Variants in MORF4L1 observed in about 807,000 individuals in gnomAD.
MORF4L1 encodes mortality factor 4-like protein 1.
MORF4L1 carries 4 observed loss-of-function variants against 52.9 expected under a neutral mutation model. That is an observed-to-expected ratio of 0.08 (90% CI 0.04 to 0.17). MORF4L1 has a LOEUF of 0.17. MORF4L1 is among the 10% of genes least tolerant of loss of function. The pLI, the probability that MORF4L1 is intolerant of heterozygous loss-of-function variation, is 1.00. For synonymous variants in MORF4L1, 123 were observed against 134.8 expected, an observed-to-expected ratio of 0.91 and a Z score of 0.61; for missense variants, 214 against 390.4, an observed-to-expected ratio of 0.55 and a Z score of 3.81.
intron 1 of MORF4L1, among the ~76,000 whole-genome samples, chr15:78,874,225 A>G (rs1012720935): frequency 2.6e-5 from 4 of 152,248 alleles, no homozygotes; most frequent in Non-Finnish European, 1.5e-5. Flanking sequence ...TACCGTAAAT[A>G]CGATGTCTAC....
intron 1 of MORF4L1, among the ~76,000 whole-genome samples, chr15:78,876,853 A>G (rs961403560): frequency 2.0e-5 from 3 of 152,164 alleles, no homozygotes; most frequent in Non-Finnish European, 2.9e-5. Context: ...TTTAAAAATA[A>G]AGTTAATAGG....
At position 78,878,271 on chromosome 15, in the gene MORF4L1, GTTTTC is replaced by G; in HGVS notation, c.87+17_87+21del. 2.5e-6 allele frequency: 4 copies of G among 1,609,480 alleles called. No homozygotes were observed. Among genetic ancestry groups the G allele is most frequent in the Non-Finnish European group, 3.4e-6 (4 of 1,178,804 alleles). ...TTTATGAAGCAAAGGTATGAAACTTGTTTTCTTTTGAGAAGTTGGCCAAAACTACT... is the reference window on the plus strand; with the variant it reads ...TTTATGAAGCAAAGGTATGAAACTTGTTTTGAGAAGTTGGCCAAAACTACT... On this transcript the variant is annotated intron_variant, in intron 2 of 11. Transcript: ENST00000426013.
In MORF4L1 at chr15:78,894,179, G is replaced by A. The variant is rs760359945; in HGVS notation, c.751G>A (p.Asp251Asn). ...TGCTGAAATTCTTGCAGATCATCCC[G>A]ATGCACCCATGTCCCAGGTGTATGG... Reference protein sequence around the residue: ...QYAEILADHPDAPMSQVYGAP... With the variant: ...QYAEILADHPNAPMSQVYGAP... Residue 251 changes from aspartate to asparagine, a missense_variant, in exon 10 of 12, where the codon GAT (aspartate) becomes AAT (asparagine). By Grantham distance (23) the Asp-to-Asn change is conservative. Coordinates refer to ENST00000426013, the MANE Select transcript of MORF4L1 (RefSeq NM_006791.4). 15 of 1,613,860 alleles carry A rather than the reference G, an allele frequency of 9.3e-6. No homozygotes were observed. The highest frequency in any genetic ancestry group is 1.3e-5 in the Non-Finnish European group (15 of 1,179,950).
Position 78,892,271 on chromosome 15 carries a change from G to A in MORF4L1, c.498G>A (p.Pro166=), listed in dbSNP as rs756898448. ...TAAAGATTCCTGAAGAGCTAAAACC[G>A]TGGCTTGTTGATGACTGGGACTTAA... The part of the protein sequence containing the change: ...VKVKIPEELK[P]WLVDDWDLIT... Residue 166 remains proline, a synonymous_variant, in exon 8 of 12, where the codon CCG becomes CCA. Coordinates refer to ENST00000426013, the MANE Select transcript of MORF4L1 (RefSeq NM_006791.4). The A allele has an allele frequency of 5.0e-6, 8 of 1,613,628 alleles. No individual in the cohort carries two copies. The highest frequency in any genetic ancestry group is 3.3e-5 in the South Asian group (3 of 91,054).
At chr15:78,885,279 G>A (rs536511186) in intron 3 of MORF4L1, among the ~76,000 whole-genome samples, 1 of 152,288 alleles carries the variant, frequency 6.6e-6, no homozygotes, top group South Asian at 2.1e-4. Context: ...ATCAGCAGGA[G>A]AAAAGATTTA....
chr15:78,878,335 T>C, intron 2 of MORF4L1, 76 bp downstream of exon 2: 1 of 1,352,980 alleles, frequency 7.4e-7, no homozygotes, highest in Non-Finnish European at 1.0e-6. Flanking sequence ...ACAAGTACAG[T>C]ATTTTGTTGT....
In MORF4L1 at chr15:78,873,002, G is replaced by A. The variant is rs1277643832; in HGVS notation, c.-16G>A. On this transcript the variant is annotated 5_prime_UTR_variant, in exon 1 of 12. Transcript: ENST00000426013. The stretch of plus-strand genomic sequence containing the variant: ...GGGGGTGGTGGGAGAAGGAGGAGGC[G>A]GCGAATCACTTATAAATGGCGCCGA... 6.4e-7 allele frequency: 1 copy of A among 1,550,512 alleles called. No individual in the cohort carries two copies. Among genetic ancestry groups the A allele is most frequent in the South Asian group, 1.2e-5 (1 of 84,018 alleles).
chr15:78,880,062 AAT>A (rs2141461764), intron 2 of MORF4L1, among the ~76,000 whole-genome samples: 1 of 152,350 alleles, frequency 6.6e-6, no homozygotes, highest in East Asian at 1.9e-4. Context: ...AGAAAAGTGA[AAT>A]ATTTTTAATT....
At chr15:78,878,174 A>G (rs775499772) in intron 1 of MORF4L1, 39 bp from the exon 2 acceptor site, 4 of 1,581,744 alleles carry the variant, frequency 2.5e-6, no homozygotes, top group Non-Finnish European at 3.4e-6. Context: ...TTTATATATG[A>G]GAAGAAATTA....
intron 1 of MORF4L1, 88 bp downstream of exon 1, chr15:78,873,145 G>GGCGCGGGCT: frequency 6.5e-7 from 1 of 1,543,162 alleles, no homozygotes; most frequent in Non-Finnish European, 8.7e-7. Flanking sequence ...GGCCGGGGGC[G>GGCGCGGGCT]GCGCGGGCTG....
intron 1 of MORF4L1, among the ~76,000 whole-genome samples, chr15:78,877,536 A>G (rs918917698): frequency 5.9e-5 from 9 of 152,214 alleles, no homozygotes; most frequent in East Asian, 1.9e-4. Flanking sequence ...TTCAAGCTAC[A>G]CTCAAATGTA....
chr15:78,874,877 T>G lies in MORF4L1; in HGVS notation c.40+1820T>G, dbSNP rs2056454791. Among the ~76,000 whole-genome samples the G allele has an allele frequency of 2.0e-5, 3 of 148,412 alleles. No individual in the cohort carries two copies. The Admixed American group carries it at 2.0e-4, about 10-fold the overall frequency. Reference sequence around the variant, plus strand: ...AGACGGTGCGTGAAATTGAGGAAGATTTTTTTTTCTATCTCCCAAGTTTAG... The same window carrying G: ...AGACGGTGCGTGAAATTGAGGAAGAGTTTTTTTTCTATCTCCCAAGTTTAG... On this transcript the variant is annotated intron_variant, in intron 1 of 11. Coordinates refer to ENST00000426013, the MANE Select transcript of MORF4L1 (RefSeq NM_006791.4).
chr15:78,894,752 A>C, intron 10 of MORF4L1, 68 bp from the exon 11 acceptor site: 1 of 1,205,038 alleles, frequency 8.3e-7, no homozygotes, highest in Non-Finnish European at 1.2e-6. Context: ...TGCTCACATA[A>C]TTAAAATACA....
intron 7 of MORF4L1, 57 bp from the exon 8 acceptor site, chr15:78,892,155 T>G: frequency 8.5e-7 from 1 of 1,179,738 alleles, no homozygotes; most frequent in Non-Finnish European, 1.2e-6. Context: ...CTCCCCTCCA[T>G]GTTTGGTATT....
intron 2 of MORF4L1, among the ~76,000 whole-genome samples, chr15:78,878,903 T>C (rs1336129319): frequency 1.3e-5 from 2 of 152,168 alleles, no homozygotes; most frequent in African/African-American, 4.8e-5. Context: ...GCCCGTAAAA[T>C]ACAAAACAGT....
intron 1 of MORF4L1, chr15:78,873,968 G>T (rs765327053): frequency 6.6e-6 from 1 of 152,226 alleles, no homozygotes; most frequent in Non-Finnish European, 1.5e-5. Context: ...GTAATTGTTT[G>T]ATTAGTTGCA....
intron 3 of MORF4L1, chr15:78,885,104 T>G: frequency 6.5e-7 from 1 of 1,549,964 alleles, no homozygotes. Context: ...GTTTTGAAAT[T>G]TTCTCTAGGA....
At chr15:78,877,049 C>T (rs928033573) in intron 1 of MORF4L1, among the ~76,000 whole-genome samples, 2 of 147,296 alleles carry the variant, frequency 1.4e-5, no homozygotes, top group Non-Finnish European at 3.0e-5. Flanking sequence ...AAGCGATTCT[C>T]ATGTCTCAGC....
In MORF4L1 at chr15:78,893,631, A is replaced by G; in HGVS notation, c.629+4A>G. The G allele has an allele frequency of 6.5e-7, 1 of 1,548,938 alleles. No homozygotes were observed. Among genetic ancestry groups the G allele is most frequent in the East Asian group, 2.3e-5 (1 of 44,192 alleles). On this transcript the variant is annotated splice_donor_region_variant and intron_variant, in intron 9 of 11. Transcript: ENST00000426013. ...CTCGTGGAAACACAGATAATAAGTA[A>G]GAATATACATTTTTCAGATGACACT... is the stretch of plus-strand genomic sequence containing the variant.
Sources: allele counts gnomAD v4.1 joint callset (sites outside exome capture counted in the v4.1 genomes callset), GRCh38; gene constraint gnomAD v4.1.1; transcripts MANE v1.5; gene names NCBI Gene and HGNC (gene_info 2026-07-23, HGNC 2026-07-21).